TRMT1L: variants seen among roughly 807,000 people sequenced by gnomAD.
TRMT1L encodes the protein tRNA methyltransferase 1L.
A neutral mutation model predicts 81.6 loss-of-function variants in TRMT1L; 28 were observed. The ratio of observed to expected loss-of-function variants is 0.34; its 90% CI spans 0.25 to 0.47. The LOEUF (loss-of-function observed/expected upper bound fraction) is 0.47, where lower values mean the gene tolerates loss of function less well. Ranked by LOEUF, TRMT1L falls within the 20% of genes least tolerant of loss-of-function variation. The pLI is 1.00. For missense variants in TRMT1L, 739 were observed against 877.1 expected, an observed-to-expected ratio of 0.84 and a Z score of 1.99; for synonymous variants, 301 against 303.2, an observed-to-expected ratio of 0.99 and a Z score of 0.07.
At position 185,140,110 on chromosome 1, in the gene TRMT1L, T is replaced by A. The variant is rs766988222; in HGVS notation, c.972A>T (p.Lys324Asn). 6.2e-6 allele frequency: 10 copies of A among 1,613,764 alleles called. No individual in the cohort carries two copies. Among genetic ancestry groups the A allele is most frequent in the Admixed American group, 3.3e-5 (2 of 60,006 alleles). ...TLIQENCHLN[K>N]LKVVVDSKEK... is the part of the protein sequence containing the mutation. Reference sequence around the variant, plus strand: ...CCTTACTGTCCACCACCACTTTCAATTTGTTTAAATGGCAGTTTTCCTGAA... The same window carrying A: ...CCTTACTGTCCACCACCACTTTCAAATTGTTTAAATGGCAGTTTTCCTGAA... Residue 324 changes from lysine (K) to asparagine (N), a missense_variant, in exon 8 of 15, where the codon AAA becomes AAT. Physicochemically the swap from Lys to Asn is moderately conservative, Grantham distance 94 (BLOSUM62 0). Transcript: ENST00000367506.
At chr1:185,157,324 G>C (rs1292237182), upstream of TRMT1L, 2 of 152,914 alleles carry the variant, frequency 1.3e-5, no homozygotes, top group East Asian at 3.9e-4. Flanking sequence ...GGTAGGAACT[G>C]CGGGGTGCGT....
chr1:185,130,884 G>A (rs1424225795), intron 10 of TRMT1L, among the ~76,000 whole-genome samples: 1 of 152,128 alleles, frequency 6.6e-6, no homozygotes, highest in Non-Finnish European at 1.5e-5. Flanking sequence ...TTCCTCTCTG[G>A]AAAAATTTAC....
Position 185,120,368 on chromosome 1 carries a change from C to T in TRMT1L, c.1949+15G>A. 1 of 1,523,344 alleles carries T rather than the reference C, an allele frequency of 6.6e-7. No homozygotes were observed. The highest frequency in any genetic ancestry group is 2.2e-5 in the Admixed American group (1 of 45,348). 94.4% of individuals were successfully genotyped at this position (1,523,344 alleles called of 1,614,324 possible). A position where few individuals can be genotyped will look rare whatever the true frequency, so the allele number is the denominator to read the frequency against. On this transcript the variant is annotated intron_variant, in intron 14 of 14. Transcript: ENST00000367506. The stretch of plus-strand genomic sequence containing the variant: ...TATAAAATATATATACTTTGTCATT[C>T]ACTGGGTGTCTTACTTTGGCATATT...
At chr1:185,132,204 G>A (rs1652787424) in intron 10 of TRMT1L, among the ~76,000 whole-genome samples, 1 of 151,672 alleles carries the variant, frequency 6.6e-6, no homozygotes, top group African/African-American at 2.4e-5. Flanking sequence ...CAGAGCTGAA[G>A]AGCTCAAGTT....
intron 4 of TRMT1L, among the ~76,000 whole-genome samples, chr1:185,146,842 G>A (rs1221375309): frequency 6.6e-6 from 1 of 151,968 alleles, no homozygotes; most frequent in Non-Finnish European, 1.5e-5. Flanking sequence ...CTAAATCACA[G>A]AAATTGAAGC....
rs41264592 is a variant in TRMT1L at position 185,147,394 on chromosome 1, C to T, written c.461-148G>A. On this transcript the variant is annotated intron_variant, in intron 3 of 14. Transcript: ENST00000367506. ...TCAAATGAGATTGCTTTAGTTTATA[C>T]AATTATTATACATGAGATATATGTG... is the stretch of plus-strand genomic sequence containing the variant. The T allele has an allele frequency of 7.7e-3, 4,696 of 612,722 alleles. 22 individuals carry two copies. The highest frequency in any genetic ancestry group is 0.011 in the Non-Finnish European group (3,735 of 350,468). The allele number at this position is 612,722 out of a possible 1,614,324, so 38.0% of individuals were successfully genotyped here. A position where few individuals can be genotyped will look rare whatever the true frequency, so the allele number is the denominator to read the frequency against.
chr1:185,133,005 A>G (rs1045229606), intron 10 of TRMT1L, among the ~76,000 whole-genome samples: 1 of 152,224 alleles, frequency 6.6e-6, no homozygotes, highest in African/African-American at 2.4e-5. Flanking sequence ...CAAACAATCC[A>G]AACTACAACA....
chr1:185,152,621 T>C (rs1046947075), intron 1 of TRMT1L, among the ~76,000 whole-genome samples: 3 of 152,020 alleles, frequency 2.0e-5, no homozygotes, highest in Admixed American at 2.0e-4. Context: ...CAAAGATCAG[T>C]AACAGAGAAA....
chr1:185,146,569 T>G (rs1055834639), intron 4 of TRMT1L, among the ~76,000 whole-genome samples: 2 of 152,096 alleles, frequency 1.3e-5, no homozygotes. Context: ...ATATTTTCTT[T>G]TTTGTCAACA....
At chr1:185,122,981 A>G (rs779703921) in intron 13 of TRMT1L, among the ~76,000 whole-genome samples, 8 of 152,124 alleles carry the variant, frequency 5.3e-5, no homozygotes, top group Non-Finnish European at 1.0e-4. Context: ...CACTATGCCC[A>G]GCAAATCTAA....
intron 1 of TRMT1L, among the ~76,000 whole-genome samples, 159 bp downstream of exon 1, chr1:185,156,319 C>A (rs1571363845): frequency 6.6e-6 from 1 of 152,220 alleles, no homozygotes; most frequent in Non-Finnish European, 1.5e-5. Flanking sequence ...ATTCTGTAAC[C>A]CTGCTTTAGC....
intron 13 of TRMT1L, among the ~76,000 whole-genome samples, chr1:185,122,680 TA>T (rs1404574097): frequency 6.9e-6 from 1 of 144,292 alleles, no homozygotes; most frequent in Non-Finnish European, 1.5e-5. Flanking sequence ...CTCTTAAATC[TA>T]ATTTTTTTTT....
rs1413846065 is a variant in TRMT1L at position 185,118,806 on chromosome 1, GTA to G, written c.*1211_*1212del. ...TAATGCCTATCCACTAGATTTTTTT[GTA>G]TATGTCACAGAAGTACTTTTTTCTT... On this transcript the variant is annotated 3_prime_UTR_variant, in exon 15 of 15. Coordinates refer to ENST00000367506, the MANE Select transcript of TRMT1L (RefSeq NM_030934.5). 1 of 151,748 alleles carries G rather than the reference GTA, an allele frequency of 6.6e-6. No homozygotes were observed. Among genetic ancestry groups the G allele is most frequent in the African/African-American group, 2.4e-5 (1 of 41,326 alleles). 9.4% of individuals were successfully genotyped at this position (151,748 alleles called of 1,614,324 possible).
At chr1:185,136,123 C>G (rs1652892908) in intron 10 of TRMT1L, among the ~76,000 whole-genome samples, 1 of 152,116 alleles carries the variant, frequency 6.6e-6, no homozygotes, top group African/African-American at 2.4e-5. Context: ...TCAGAAAGCA[C>G]TAGAGGCTGG....
At chr1:185,129,529 T>G (rs1043347258) in intron 10 of TRMT1L, among the ~76,000 whole-genome samples, 1 of 152,214 alleles carries the variant, frequency 6.6e-6, no homozygotes, top group Non-Finnish European at 1.5e-5. Flanking sequence ...AGTCATTTTA[T>G]ATCAGATATT....
At chr1:185,154,821 T>C (rs1018652536) in intron 1 of TRMT1L, among the ~76,000 whole-genome samples, 3 of 152,240 alleles carry the variant, frequency 2.0e-5, no homozygotes, top group African/African-American at 2.4e-5. Flanking sequence ...GTATGCAAAA[T>C]ACTCAATCTG....
At chr1:185,134,094 T>C (rs1237562330) in intron 10 of TRMT1L, among the ~76,000 whole-genome samples, 1 of 152,152 alleles carries the variant, frequency 6.6e-6, no homozygotes, top group Admixed American at 6.5e-5. Flanking sequence ...ATGTAAGCAT[T>C]ATAAGAAACA....
At chr1:185,133,668 G>C (rs1652827899) in intron 10 of TRMT1L, among the ~76,000 whole-genome samples, 2 of 149,762 alleles carry the variant, frequency 1.3e-5, no homozygotes, top group Non-Finnish European at 3.0e-5. Flanking sequence ...TGTAACCATA[G>C]CTCACTGCAG....
In TRMT1L at chr1:185,156,169, C is replaced by T. The variant is rs914955459; in HGVS notation, c.235+309G>A. ...CGGGAAACTACCAAATTATGTGTAA[C>T]TTCCTATTTTTGTACCTTAAAAAGA... On this transcript the variant is annotated intron_variant, in intron 1 of 14. Coordinates refer to ENST00000367506, the MANE Select transcript of TRMT1L (RefSeq NM_030934.5). Among the ~76,000 whole-genome samples, 6 of 152,176 alleles carry T rather than the reference C, an allele frequency of 3.9e-5. No homozygotes were observed. The South Asian group carries it at 6.2e-4, about 16-fold the overall frequency.
Sources: allele counts gnomAD v4.1 joint callset (sites outside exome capture counted in the v4.1 genomes callset), GRCh38; gene constraint gnomAD v4.1.1; transcripts MANE v1.5; gene names NCBI Gene and HGNC (gene_info 2026-07-23, HGNC 2026-07-21).